The following NELL1 variants were observed in gnomAD, a reference collection of about 807,000 sequenced individuals.
NELL1 encodes the protein neural EGFL like 1.
In NELL1, 76 loss-of-function variants were observed where a neutral mutation model predicts 107.4. That is an observed-to-expected ratio of 0.71 (90% confidence interval 0.59 to 0.86). The LOEUF (loss-of-function observed/expected upper bound fraction) is 0.86, where lower values mean the gene tolerates loss of function less well. Among genes scored for constraint, NELL1 ranks in the 40% least tolerant of loss-of-function variants. NELL1 has a pLI of 0.00. For synonymous variants in NELL1, 353 were observed against 341.2 expected, an observed-to-expected ratio of 1.03 and a Z score of -0.38; for missense variants, 1,024 against 1,005.5, an observed-to-expected ratio of 1.02 and a Z score of -0.25.
intron 12 of NELL1, among the ~76,000 whole-genome samples, chr11:21,085,416 T>C (rs1291642308): frequency 6.6e-6 from 1 of 152,132 alleles, no homozygotes. Context: ...GGAGGATCAC[T>C]TGAGGCCCCA....
intron 15 of NELL1, among the ~76,000 whole-genome samples, chr11:21,517,725 A>G (rs1262019695): frequency 6.6e-6 from 1 of 152,144 alleles, no homozygotes; most frequent in Non-Finnish European, 1.5e-5. Flanking sequence ...TATACAGCAA[A>G]TGGTCATGGG....
intron 12 of NELL1, among the ~76,000 whole-genome samples, chr11:21,097,316 A>G (rs1273694146): frequency 6.6e-6 from 1 of 152,154 alleles, no homozygotes; most frequent in East Asian, 1.9e-4. Flanking sequence ...ACTCAGGCAA[A>G]AGTTTAATTC....
intron 12 of NELL1, among the ~76,000 whole-genome samples, chr11:20,961,212 T>A (rs1194750290): frequency 6.6e-6 from 1 of 152,156 alleles, no homozygotes; most frequent in Non-Finnish European, 1.5e-5. Context: ...TTTTTCAGGC[T>A]TAGTACTGCA....
intron 12 of NELL1, among the ~76,000 whole-genome samples, chr11:21,053,073 CA>C (rs1853534188): frequency 6.6e-6 from 1 of 152,150 alleles, no homozygotes; most frequent in Non-Finnish European, 1.5e-5. Flanking sequence ...GCTCCCGTCC[CA>C]ACCTGAACAG....
rs146534873 is a variant in NELL1, at chr11:20,880,446, A to T, written c.507-4998A>T. 2.4e-4 allele frequency among the ~76,000 whole-genome samples: 36 copies of T among 152,338 alleles called. No homozygotes were observed. In the East Asian group the frequency reaches 6.9e-3, roughly 29 times the overall value. On this transcript the variant is annotated intron_variant, in intron 4 of 19. Transcript: ENST00000357134. ...TTAACAGTAATATCCTTATGTTTTAAATGAGGAAATTGAAATACAGAGAAA... is the reference window on the plus strand; with the variant it reads ...TTAACAGTAATATCCTTATGTTTTATATGAGGAAATTGAAATACAGAGAAA...
intron 12 of NELL1, among the ~76,000 whole-genome samples, chr11:21,078,463 A>C (rs1386606833): frequency 6.6e-6 from 1 of 152,182 alleles, no homozygotes; most frequent in Non-Finnish European, 1.5e-5. Flanking sequence ...CTACTAAGGC[A>C]GAACACATTA....
chr11:21,230,781 T>C (rs1275576432), intron 14 of NELL1, among the ~76,000 whole-genome samples: 3 of 151,010 alleles, frequency 2.0e-5, no homozygotes, highest in Non-Finnish European at 2.9e-5. Context: ...GAAAGCCTAA[T>C]ACATGACTAT....
At chr11:20,931,169 G>A (rs1285552675) in intron 9 of NELL1, among the ~76,000 whole-genome samples, 1 of 152,010 alleles carries the variant, frequency 6.6e-6, no homozygotes, top group African/African-American at 2.4e-5. Context: ...AACTGTAAGT[G>A]CACTAACATT....
chr11:21,507,804 C>T (rs866552617), intron 15 of NELL1, among the ~76,000 whole-genome samples: 9 of 143,182 alleles, frequency 6.3e-5, no homozygotes, highest in Admixed American at 1.4e-4. Flanking sequence ...TTTTTTGAGA[C>T]GGAGTCTCAC....
At chr11:20,948,390 T>G (rs1851006720) in intron 11 of NELL1, among the ~76,000 whole-genome samples, 1 of 152,068 alleles carries the variant, frequency 6.6e-6, no homozygotes, top group Admixed American at 6.6e-5. Flanking sequence ...TAGTTGTGCA[T>G]ATTTTGGGTG....
chr11:20,839,398 T>C (rs1216737876), intron 3 of NELL1, among the ~76,000 whole-genome samples: 1 of 152,156 alleles, frequency 6.6e-6, no homozygotes, highest in East Asian at 1.9e-4. Context: ...CAAGTAAAAA[T>C]CACCAGGTCT....
intron 12 of NELL1, among the ~76,000 whole-genome samples, chr11:20,978,807 T>C (rs1252485307): frequency 6.6e-6 from 1 of 152,160 alleles, no homozygotes; most frequent in African/African-American, 2.4e-5. Context: ...TTCTTTTCTT[T>C]CTTTTTAGGT....
intron 2 of NELL1, among the ~76,000 whole-genome samples, chr11:20,750,054 A>G (rs1488185349): frequency 2.0e-5 from 3 of 152,204 alleles, no homozygotes; most frequent in African/African-American, 2.4e-5. Flanking sequence ...TTACAATCCT[A>G]TCATTAATGT....
At chr11:20,725,760 C>A (rs558469877) in intron 2 of NELL1, among the ~76,000 whole-genome samples, 2 of 152,116 alleles carry the variant, frequency 1.3e-5, no homozygotes, top group African/African-American at 4.8e-5. Flanking sequence ...ATTTTTCCAA[C>A]ATTTATTTTA....
At chr11:21,005,118 G>C (rs1852301869) in intron 12 of NELL1, among the ~76,000 whole-genome samples, 1 of 152,122 alleles carries the variant, frequency 6.6e-6, no homozygotes, top group South Asian at 2.1e-4. Context: ...TAACTCTGTA[G>C]GCATGTCATT....
At chr11:21,135,205 G>A (rs948018672) in intron 13 of NELL1, among the ~76,000 whole-genome samples, 6 of 152,120 alleles carry the variant, frequency 3.9e-5, no homozygotes, top group African/African-American at 1.4e-4. Flanking sequence ...GATCATAAGA[G>A]CAATCTATTT....
intron 12 of NELL1, among the ~76,000 whole-genome samples, chr11:21,042,746 T>C (rs930083781): frequency 2.6e-5 from 4 of 152,124 alleles, no homozygotes; most frequent in African/African-American, 9.7e-5. Flanking sequence ...TGAAAACATC[T>C]GAGGTAAATG....
At chr11:21,511,320 C>T (rs558243148) in intron 15 of NELL1, among the ~76,000 whole-genome samples, 2 of 152,232 alleles carry the variant, frequency 1.3e-5, no homozygotes, top group African/African-American at 4.8e-5. Context: ...TACTTTTCCT[C>T]GAGAAAGAGT....
intron 15 of NELL1, among the ~76,000 whole-genome samples, chr11:21,482,070 A>G (rs1359820333): frequency 6.6e-6 from 1 of 152,212 alleles, no homozygotes; most frequent in Non-Finnish European, 1.5e-5. Context: ...TCTACTTTGG[A>G]TAAATTTAAG....
Sources: allele counts gnomAD v4.1 joint callset (sites outside exome capture counted in the v4.1 genomes callset), GRCh38; gene constraint gnomAD v4.1.1; transcripts MANE v1.5; gene names NCBI Gene and HGNC (gene_info 2026-07-23, HGNC 2026-07-21).